The following SCGB2B2 variants were observed in gnomAD, a reference collection of about 807,000 sequenced individuals.
SCGB2B2 encodes the protein secretoglobin family 2B member 2.
SCGB2B2 carries 11 observed loss-of-function variants against 7.6 expected under a neutral mutation model. That is an observed-to-expected ratio of 1.45 (90% CI 0.91 to 2.40). The LOEUF is 2.40. SCGB2B2 is among the 30% of genes most tolerant of loss of function. The probability of loss-of-function intolerance (pLI) is 0.00; values close to 1 mark genes in which losing one functional copy is unlikely to be tolerated. For missense variants in SCGB2B2, 104 were observed against 115.4 expected, an observed-to-expected ratio of 0.90 and a Z score of 0.45; for synonymous variants, 50 against 48.6, an observed-to-expected ratio of 1.03 and a Z score of -0.12.
At position 34,624,963 on chromosome 19, in the gene SCGB2B2, A is replaced by C. The variant is rs566440640; in HGVS notation, c.-2031-28369T>G. Among the ~76,000 whole-genome samples, 12 of 152,332 alleles carry C rather than the reference A, an allele frequency of 7.9e-5. No individual in the cohort carries two copies. In the South Asian group the frequency reaches 2.5e-3, roughly 32 times the overall value. The stretch of plus-strand genomic sequence containing the variant: ...GAGGATAAGGAGCCTTGGAAATGAA[A>C]GTACAGTGTTGGAGGTCCTCTCCTA... On this transcript the variant is annotated intron_variant, in intron 1 of 3. Transcript: ENST00000601241.
Position 34,593,458 on chromosome 19 carries a change from T to A in SCGB2B2, c.*97A>T. On this transcript the variant is annotated 3_prime_UTR_variant, in exon 4 of 4. Coordinates refer to ENST00000601241, the MANE Select transcript of SCGB2B2 (RefSeq NM_001025591.4). ...CACAGAACTGAGCTGCAGGTGTTCA[T>A]TGGGGTCTCTGTAGTGATGAACAGA... The A allele has an allele frequency of 3.4e-6, 3 of 879,786 alleles. No individual in the cohort carries two copies. Among genetic ancestry groups the A allele is most frequent in the Non-Finnish European group, 5.5e-6 (3 of 549,326 alleles). The allele number at this position is 879,786 out of a possible 1,614,324, so 54.5% of individuals were successfully genotyped here.
At chr19:34,646,618 C>G (rs1054404954) in intron 1 of SCGB2B2, 1 of 152,376 alleles carries the variant, frequency 6.6e-6, no homozygotes, top group Admixed American at 6.5e-5. Flanking sequence ...GCTCCCAGGT[C>G]CCCACTTTAT....
At chr19:34,657,406 A>T (rs937913444) in intron 1 of SCGB2B2, among the ~76,000 whole-genome samples, 2 of 151,244 alleles carry the variant, frequency 1.3e-5, no homozygotes, top group Admixed American at 6.6e-5. Flanking sequence ...ATGGAGGAAG[A>T]TCTACCAAGC....
chr19:34,630,421 AAAAC>A (rs1158102578), intron 1 of SCGB2B2, among the ~76,000 whole-genome samples: 4 of 152,120 alleles, frequency 2.6e-5, no homozygotes, highest in Middle Eastern at 3.4e-3. Flanking sequence ...TTACAACAAA[AAAAC>A]AAACAACCCC....
At chr19:34,643,157 C>T (rs906159088) in intron 1 of SCGB2B2, among the ~76,000 whole-genome samples, 2 of 152,168 alleles carry the variant, frequency 1.3e-5, no homozygotes, top group African/African-American at 4.8e-5. Context: ...CTCATTCAAC[C>T]TAAGTGTCCA....
intron 1 of SCGB2B2, among the ~76,000 whole-genome samples, chr19:34,657,733 G>C (rs974388951): frequency 6.6e-6 from 1 of 152,116 alleles, no homozygotes; most frequent in Non-Finnish European, 1.5e-5. Flanking sequence ...ACTCAGCTCT[G>C]CACCAAGCGG....
At chr19:34,601,654 A>C (rs1192136677) in intron 1 of SCGB2B2, among the ~76,000 whole-genome samples, 1 of 152,192 alleles carries the variant, frequency 6.6e-6, no homozygotes, top group Non-Finnish European at 1.5e-5. Context: ...TGTATAGGAA[A>C]TTTTAATTAT....
intron 1 of SCGB2B2, among the ~76,000 whole-genome samples, chr19:34,652,328 A>ACAACTT (rs1303977012): frequency 6.6e-6 from 1 of 151,244 alleles, no homozygotes; most frequent in Non-Finnish European, 1.5e-5. Context: ...ATCAACAGAG[A>ACAACTT]GAAGAGACAA....
downstream of SCGB2B2, among the ~76,000 whole-genome samples, chr19:34,588,364 C>T (rs2065226117): frequency 1.3e-5 from 2 of 152,170 alleles, no homozygotes; most frequent in Non-Finnish European, 2.9e-5. Context: ...TGAAAATTCA[C>T]CCCTAGCTGA....
intron 1 of SCGB2B2, among the ~76,000 whole-genome samples, chr19:34,605,288 T>C (rs2065746458): frequency 6.6e-6 from 1 of 152,226 alleles, no homozygotes; most frequent in South Asian, 2.1e-4. Context: ...TCCATGAGTT[T>C]TGAGAACTCT....
intron 1 of SCGB2B2, among the ~76,000 whole-genome samples, chr19:34,626,453 T>G (rs1336582577): frequency 6.6e-6 from 1 of 151,922 alleles, no homozygotes; most frequent in Admixed American, 6.5e-5. Flanking sequence ...GAGAACTACA[T>G]GATGAAAGCA....
intron 1 of SCGB2B2, among the ~76,000 whole-genome samples, chr19:34,626,733 A>G (rs1035967728): frequency 6.6e-6 from 1 of 152,232 alleles, no homozygotes; most frequent in African/African-American, 2.4e-5. Context: ...GCAGGCCAAC[A>G]TTCAAACTCA....
intron 1 of SCGB2B2, among the ~76,000 whole-genome samples, chr19:34,671,544 A>G (rs2067803592): frequency 6.6e-6 from 1 of 152,076 alleles, no homozygotes; most frequent in Admixed American, 6.5e-5. Context: ...ATTGGATTGC[A>G]TTGAATATAT....
Position 34,610,720 on chromosome 19 carries a change from TTTG to T in SCGB2B2, c.-2031-14129_-2031-14127del, listed in dbSNP as rs2065903220. 2.6e-5 allele frequency among the ~76,000 whole-genome samples: 4 copies of T among 152,068 alleles called. No individual in the cohort carries two copies. The South Asian group carries it at 8.3e-4, about 32-fold the overall frequency. On this transcript the variant is annotated intron_variant, in intron 1 of 3. Transcript: ENST00000601241. The stretch of plus-strand genomic sequence containing the variant: ...GCTGTTGAGGTTGGTTTGCTAGTAT[TTTG>T]TTGAGGATGTTTGTATCTATGTTTA...
At chr19:34,599,132 A>G (rs1279254640) in intron 1 of SCGB2B2, among the ~76,000 whole-genome samples, 1 of 152,232 alleles carries the variant, frequency 6.6e-6, no homozygotes, top group African/African-American at 2.4e-5. Flanking sequence ...CTGTAGGTTC[A>G]CCTTAGAGTT....
At chr19:34,624,183 T>A (rs758619893) in intron 1 of SCGB2B2, among the ~76,000 whole-genome samples, 19 of 151,348 alleles carry the variant, frequency 1.3e-4, no homozygotes, top group Non-Finnish European at 2.4e-4. Context: ...CCCCACAATA[T>A]GCCTCCCAGC....
At chr19:34,674,170 G>C (rs1305595863) in intron 1 of SCGB2B2, among the ~76,000 whole-genome samples, 1 of 152,174 alleles carries the variant, frequency 6.6e-6, no homozygotes, top group Non-Finnish European at 1.5e-5. Context: ...ATGAGGAAAA[G>C]CAGAAACAAT....
chr19:34,666,049 A>G (rs1276049146), intron 1 of SCGB2B2, among the ~76,000 whole-genome samples: 1 of 152,050 alleles, frequency 6.6e-6, no homozygotes, highest in Non-Finnish European at 1.5e-5. Context: ...TTTCAGCTGC[A>G]GTCTCCCAGC....
chr19:34,666,775 G>A (rs1033616224), intron 1 of SCGB2B2, among the ~76,000 whole-genome samples: 39 of 152,284 alleles, frequency 2.6e-4, no homozygotes, highest in Middle Eastern at 3.4e-3. Context: ...TGGGCCTCCT[G>A]CTGCTGCTGT....
Sources: allele counts gnomAD v4.1 joint callset (sites outside exome capture counted in the v4.1 genomes callset), GRCh38; gene constraint gnomAD v4.1.1; transcripts MANE v1.5; gene names NCBI Gene and HGNC (gene_info 2026-07-23, HGNC 2026-07-21).